Variants in PPM1B observed in about 807,000 individuals in gnomAD.
The protein encoded by PPM1B is protein phosphatase 1B.
In PPM1B, 22 loss-of-function variants were observed where a neutral mutation model predicts 43.0. The ratio of observed to expected loss-of-function variants is 0.51; its 90% CI spans 0.37 to 0.73. PPM1B has a LOEUF of 0.73. Among genes scored for constraint, PPM1B ranks in the 30% least tolerant of loss-of-function variants. The pLI is 0.00. For synonymous variants in PPM1B, 217 were observed against 197.9 expected, an observed-to-expected ratio of 1.10 and a Z score of -0.81; for missense variants, 632 against 584.2, an observed-to-expected ratio of 1.08 and a Z score of -0.84.
chr2:44,190,979 A>G (rs995424948), intron 1 of PPM1B, among the ~76,000 whole-genome samples: 1 of 152,212 alleles, frequency 6.6e-6, no homozygotes, highest in Non-Finnish European at 1.5e-5. Flanking sequence ...ATAAGGATCC[A>G]TGTTCTCATC....
chr2:44,231,453 A>G lies in PPM1B; in HGVS notation c.*735A>G, dbSNP rs905819519. On this transcript the variant is annotated 3_prime_UTR_variant, in exon 6 of 6. Transcript: ENST00000282412. ...ATAAGTGTTTAAGTCCAAATAAAGC[A>G]TGTGATGTGGAATAATCTATGCATG... 2 of 975,188 alleles carry G rather than the reference A, an allele frequency of 2.1e-6. No homozygotes were observed. The highest frequency in any genetic ancestry group is 6.2e-5 in the Admixed American group (1 of 16,248). 60.4% of individuals were successfully genotyped at this position (975,188 alleles called of 1,614,324 possible).
intron 1 of PPM1B, among the ~76,000 whole-genome samples, chr2:44,173,873 G>A (rs541476787): frequency 1.1e-4 from 16 of 152,328 alleles, no homozygotes; most frequent in South Asian, 6.2e-4. Flanking sequence ...TACCCGAGAG[G>A]TGAAGGTTGT....
intron 1 of PPM1B, among the ~76,000 whole-genome samples, chr2:44,196,576 G>T (rs982458163): frequency 6.6e-6 from 1 of 152,206 alleles, no homozygotes; most frequent in Non-Finnish European, 1.5e-5. Flanking sequence ...CCCTTATGGG[G>T]TGGGAAGTTG....
chr2:44,229,163 C>G (rs192990801), intron 5 of PPM1B, among the ~76,000 whole-genome samples: 1 of 148,064 alleles, frequency 6.8e-6, no homozygotes, highest in Non-Finnish European at 1.5e-5. Flanking sequence ...GCCTGGGCAA[C>G]AAGAGTGAAA....
At chr2:44,230,029 T>C in intron 5 of PPM1B, 1 of 1,589,038 alleles carries the variant, frequency 6.3e-7, no homozygotes, top group Non-Finnish European at 8.6e-7. Context: ...TGGCCTGCTT[T>C]TCTGTCCTTT....
Position 44,201,462 on chromosome 2 carries a change from C to T in PPM1B, c.263C>T (p.Ala88Val). The change falls in exon 2 of 6, where the codon GCT (alanine) becomes GTT (valine). Residue 88 changes from alanine to valine, a missense_variant. Transcript: ENST00000282412. This position sits in a 1 kb window ranked among gnomAD's most constrained non-coding sequence, Gnocchi z 5.4. ...ACTACTAACGAAGACTTTAGGGCAG[C>T]TGGAAAATCAGGATCTGCTCTTGAG... is the stretch of plus-strand genomic sequence containing the variant. ...HITTNEDFRA[A>V]GKSGSALELS... 2 of 1,614,166 alleles carry T rather than the reference C, an allele frequency of 1.2e-6. No homozygotes were observed. The highest frequency in any genetic ancestry group is 1.7e-6 in the Non-Finnish European group (2 of 1,180,020).
intron 1 of PPM1B, among the ~76,000 whole-genome samples, chr2:44,176,123 G>T (rs1223557064): frequency 6.6e-6 from 1 of 152,074 alleles, no homozygotes; most frequent in African/African-American, 2.4e-5. Context: ...GAGAAAAAGA[G>T]ATCCCTGCAT....
At chr2:44,219,817 T>C (rs1189425934) in intron 5 of PPM1B, among the ~76,000 whole-genome samples, 2 of 151,676 alleles carry the variant, frequency 1.3e-5, no homozygotes, top group East Asian at 3.9e-4. Context: ...GTGGCGCATG[T>C]CTGTAATCCC....
At chr2:44,234,662 A>AT, downstream of PPM1B, 1 of 977,974 alleles carries the variant, frequency 1.0e-6, no homozygotes. Flanking sequence ...TAGCCTGGCT[A>AT]TTCTCAAGTA....
intron 3 of PPM1B, among the ~76,000 whole-genome samples, chr2:44,217,589 C>G (rs912088189): frequency 2.6e-5 from 4 of 152,006 alleles, no homozygotes; most frequent in African/African-American, 9.7e-5. Context: ...TTCCATATAG[C>G]TGTTACTGTA....
intron 2 of PPM1B, among the ~76,000 whole-genome samples, chr2:44,207,975 A>G (rs1332529414): frequency 7.3e-6 from 1 of 136,160 alleles, no homozygotes; most frequent in South Asian, 2.3e-4. Context: ...TGCAACCTCC[A>G]CCTCCCGGGT....
downstream of PPM1B, chr2:44,232,663 T>C (rs932734891): frequency 4.4e-6 from 5 of 1,133,636 alleles, no homozygotes; most frequent in Non-Finnish European, 4.3e-6. Flanking sequence ...GCATGGGAAA[T>C]ATAGTTAGCT....
chr2:44,173,957 A>G (rs745412703), intron 1 of PPM1B, among the ~76,000 whole-genome samples: 3 of 152,190 alleles, frequency 2.0e-5, no homozygotes, highest in Non-Finnish European at 2.9e-5. Flanking sequence ...CAAAAATAAT[A>G]ATACTCTTTG....
downstream of PPM1B, among the ~76,000 whole-genome samples, chr2:44,237,811 C>T (rs532883268): frequency 6.6e-6 from 1 of 152,316 alleles, no homozygotes; most frequent in African/African-American, 2.4e-5. Context: ...TTTCCCTCTC[C>T]TGAGTCGTTT....
intron 1 of PPM1B, among the ~76,000 whole-genome samples, chr2:44,187,485 G>A (rs1042126878): frequency 6.6e-6 from 1 of 152,166 alleles, no homozygotes; most frequent in Middle Eastern, 3.4e-3. Flanking sequence ...ATTTTTTGAA[G>A]AAGCGCCATA....
At chr2:44,171,016 C>A (rs528689033) in intron 1 of PPM1B, among the ~76,000 whole-genome samples, 9 of 152,150 alleles carry the variant, frequency 5.9e-5, no homozygotes, top group Non-Finnish European at 1.2e-4. Flanking sequence ...TGAAGTCTTA[C>A]AACAGTTTCT....
rs1174874477 is a variant in PPM1B, at chr2:44,241,529, C to T, written n.1547-2699C>T. Among the ~76,000 whole-genome samples, 28 of 142,650 alleles carry T rather than the reference C, an allele frequency of 2.0e-4. 3 individuals are homozygous for T. The highest frequency in any genetic ancestry group is 1.9e-3 in the Admixed American group (28 of 14,386). 93.6% of individuals were successfully genotyped at this position (142,650 alleles called of 152,430 possible). A position where few individuals can be genotyped will look rare whatever the true frequency, so the allele number is the denominator to read the frequency against. ...GAGAGATCACTTGAGGTCAAGAGTT[C>T]GAGACCAGCCTGGCCAGCATGGTGA... On this transcript the variant is annotated intron_variant and non_coding_transcript_variant, in intron 5 of 5. Transcript: ENST00000378540.
intron 1 of PPM1B, among the ~76,000 whole-genome samples, chr2:44,182,929 G>C (rs1667952081): frequency 6.6e-6 from 1 of 152,236 alleles, no homozygotes; most frequent in African/African-American, 2.4e-5. Context: ...ATGGGATCTA[G>C]ATTGCTCCAG....
In PPM1B at chr2:44,201,246, A is replaced by T. The variant is rs768537539; in HGVS notation, c.47A>T (p.His16Leu). Residue 16 changes from histidine (H) to leucine (L), a missense_variant, in exon 2 of 6, where the codon CAT becomes CTT. Coordinates refer to ENST00000282412, the MANE Select transcript of PPM1B (RefSeq NM_002706.6). This position sits in a 1 kb window ranked among gnomAD's most constrained non-coding sequence, Gnocchi z 5.4. ...CCCAAAACTGAAAAACATAATGCTC[A>T]TGGTGCTGGGAATGGTTTACGTTAT... ...DKPKTEKHNA[H>L]GAGNGLRYGL... 1.2e-6 allele frequency: 2 copies of T among 1,611,480 alleles called. No homozygotes were observed. Among genetic ancestry groups the T allele is most frequent in the Non-Finnish European group, 1.7e-6 (2 of 1,178,516 alleles).
Sources: allele counts gnomAD v4.1 joint callset (sites outside exome capture counted in the v4.1 genomes callset), GRCh38; gene constraint gnomAD v4.1.1; non-coding constraint Gnocchi (gnomAD v3.1); transcripts MANE v1.5; gene names NCBI Gene and HGNC (gene_info 2026-07-23, HGNC 2026-07-21).